The following SLC4A10 variants were observed in gnomAD, a reference collection of about 807,000 sequenced individuals.
The protein encoded by SLC4A10 is solute carrier family 4 member 10.
Under a neutral mutation model 137.7 loss-of-function variants are expected in SLC4A10, and 42 were observed. The ratio of observed to expected loss-of-function variants is 0.30; its 90% CI spans 0.24 to 0.39. The LOEUF is 0.39. Ranked by LOEUF, SLC4A10 falls within the 10% of genes least tolerant of loss-of-function variation. The pLI, the probability that SLC4A10 is intolerant of heterozygous loss-of-function variation, is 1.00. For synonymous variants in SLC4A10, 474 were observed against 464.1 expected, an observed-to-expected ratio of 1.02 and a Z score of -0.27; for missense variants, 925 against 1,355.0, an observed-to-expected ratio of 0.68 and a Z score of 4.98.
At chr2:161,796,184 A>G (rs1484634833) in intron 2 of SLC4A10, among the ~76,000 whole-genome samples, 1 of 152,202 alleles carries the variant, frequency 6.6e-6, no homozygotes, top group African/African-American at 2.4e-5. Flanking sequence ...TCTTCCAAAT[A>G]AATTTTAGCA....
chr2:161,629,325 C>CTT (rs1233795223), intron 1 of SLC4A10, among the ~76,000 whole-genome samples: 2 of 137,210 alleles, frequency 1.5e-5, no homozygotes, highest in African/African-American at 2.7e-5. Flanking sequence ...GGGTGTACTA[C>CTT]TTTTTTTTTT....
chr2:161,825,820 C>T (rs762397219), intron 3 of SLC4A10, among the ~76,000 whole-genome samples: 12 of 152,128 alleles, frequency 7.9e-5, no homozygotes, highest in Non-Finnish European at 8.8e-5. Flanking sequence ...CAGCTCTTTC[C>T]GAAGAACTCT....
At chr2:161,921,450 C>G (rs1688116805) in intron 15 of SLC4A10, among the ~76,000 whole-genome samples, 1 of 152,112 alleles carries the variant, frequency 6.6e-6, no homozygotes, top group East Asian at 1.9e-4. Context: ...GAGCAAGGAG[C>G]AATACCCTAG....
intron 1 of SLC4A10, among the ~76,000 whole-genome samples, chr2:161,678,873 A>T (rs1272559345): frequency 5.3e-5 from 8 of 152,138 alleles, no homozygotes; most frequent in Non-Finnish European, 1.0e-4. Flanking sequence ...CTATCGAAGG[A>T]CATTGGATTA....
chr2:161,847,115 G>C (rs1158706569), intron 4 of SLC4A10, among the ~76,000 whole-genome samples: 1 of 151,556 alleles, frequency 6.6e-6, no homozygotes, highest in East Asian at 1.9e-4. Flanking sequence ...ATAGTACCTG[G>C]CTATGTAGTC....
At chr2:161,675,754 A>G (rs968522619) in intron 1 of SLC4A10, among the ~76,000 whole-genome samples, 2 of 152,186 alleles carry the variant, frequency 1.3e-5, no homozygotes, top group African/African-American at 4.8e-5. Flanking sequence ...ATAAAAGTTA[A>G]TAGTTCATTT....
intron 1 of SLC4A10, among the ~76,000 whole-genome samples, chr2:161,658,896 TGTATTTCTTTTTAAAATTA>T: frequency 6.6e-6 from 1 of 152,166 alleles, no homozygotes; most frequent in Non-Finnish European, 1.5e-5. Flanking sequence ...TGGCCAGTTT[TGTATTTCTTTTTAAAATTA>T]GTATTTAAAG....
At chr2:161,966,219 C>T (rs1222356444) in intron 23 of SLC4A10, among the ~76,000 whole-genome samples, 6 of 152,008 alleles carry the variant, frequency 3.9e-5, no homozygotes, top group Non-Finnish European at 8.8e-5. Context: ...ATTGGTAATT[C>T]CCTTACTCTA....
chr2:161,887,452 C>T (rs2062435893), intron 10 of SLC4A10, among the ~76,000 whole-genome samples: 2 of 152,118 alleles, frequency 1.3e-5, no homozygotes, highest in African/African-American at 4.8e-5. Context: ...TCTATTTCTA[C>T]ACATCCCCTC....
chr2:161,747,675 G>A (rs1246039395), intron 1 of SLC4A10, among the ~76,000 whole-genome samples: 1 of 151,976 alleles, frequency 6.6e-6, no homozygotes, highest in African/African-American at 2.4e-5. Flanking sequence ...AAGACTGAAT[G>A]TTATTCTGTT....
chr2:161,876,308 G>A (rs1277931944), intron 8 of SLC4A10, among the ~76,000 whole-genome samples: 1 of 152,072 alleles, frequency 6.6e-6, no homozygotes, highest in Admixed American at 6.6e-5. Flanking sequence ...AGATTCTCTA[G>A]AGCTGCTTTA....
intron 10 of SLC4A10, among the ~76,000 whole-genome samples, chr2:161,884,610 C>T (rs796271387): frequency 6.6e-5 from 10 of 152,198 alleles, no homozygotes; most frequent in African/African-American, 2.4e-4. Context: ...AAGCATCAGT[C>T]ATCTATTTTT....
rs1198502294 is a variant in SLC4A10 at position 161,945,204 on chromosome 2, A to G, written c.2103+2307A>G. Reference sequence around the variant, plus strand: ...TGTGTATATATATATATATATATATATATATATATATATATATATATATAT... The same window carrying G: ...TGTGTATATATATATATATATATATGTATATATATATATATATATATATAT... On this transcript the variant is annotated intron_variant, in intron 16 of 26. Transcript: ENST00000446997. 1.9e-3 allele frequency among the ~76,000 whole-genome samples: 113 copies of G among 60,990 alleles called. 1 individual carries two copies. Among genetic ancestry groups the G allele is most frequent in the African/African-American group, 3.7e-3 (82 of 21,870 alleles). The allele number at this position is 60,990 out of a possible 152,430, so 40.0% of individuals were successfully genotyped here.
At position 161,624,445 on chromosome 2, in the gene SLC4A10, G is replaced by T; in HGVS notation, c.-74G>T. On this transcript the variant is annotated 5_prime_UTR_variant, in exon 1 of 27. Coordinates refer to ENST00000446997, the MANE Select transcript of SLC4A10 (RefSeq NM_001178015.2). ...CTACCTGATCCGAATACTAAGCAGA[G>T]CGAGTGCCGGGCTGAGTGTAAGACA... The T allele has an allele frequency of 6.5e-6, 10 of 1,549,350 alleles. 2 individuals carry two copies. The South Asian group carries it at 1.2e-4, about 18-fold the overall frequency.
intron 1 of SLC4A10, among the ~76,000 whole-genome samples, chr2:161,718,067 C>G (rs2045152458): frequency 6.6e-6 from 1 of 152,146 alleles, no homozygotes; most frequent in Non-Finnish European, 1.5e-5. Context: ...TTATCCATTT[C>G]TCCTAGATTT....
chr2:161,662,267 C>A (rs937304040), intron 1 of SLC4A10, among the ~76,000 whole-genome samples: 1 of 152,040 alleles, frequency 6.6e-6, no homozygotes, highest in African/African-American at 2.4e-5. Flanking sequence ...ATATCCAGAA[C>A]AATCAAACCT....
chr2:161,910,545 T>C (rs1685578140), intron 15 of SLC4A10, among the ~76,000 whole-genome samples: 1 of 152,104 alleles, frequency 6.6e-6, no homozygotes. Flanking sequence ...GAAAGACAAC[T>C]AGCTAAAGAA....
At chr2:161,956,871 G>T (rs749720545) in intron 19 of SLC4A10, 118 bp from the exon 20 acceptor site, 1 of 1,111,378 alleles carries the variant, frequency 9.0e-7, no homozygotes, top group African/African-American at 1.6e-5. Flanking sequence ...TACTCCAGGA[G>T]ATCTGATATG....
At chr2:161,940,789 G>A (rs185443003) in intron 15 of SLC4A10, among the ~76,000 whole-genome samples, 48 of 152,222 alleles carry the variant, frequency 3.2e-4, no homozygotes, top group African/African-American at 1.1e-3. Flanking sequence ...AGCCCTCCTG[G>A]GTCAGAACAA....
Sources: allele counts gnomAD v4.1 joint callset (sites outside exome capture counted in the v4.1 genomes callset), GRCh38; gene constraint gnomAD v4.1.1; transcripts MANE v1.5; gene names NCBI Gene and HGNC (gene_info 2026-07-23, HGNC 2026-07-21).